MICAL1: variants seen among roughly 807,000 people sequenced by gnomAD.
The protein encoded by MICAL1 is [F-actin]-monooxygenase MICAL1.
MICAL1 carries 95 observed loss-of-function variants against 131.8 expected under a neutral mutation model. That is an observed-to-expected ratio of 0.72 (90% CI 0.61 to 0.86). The LOEUF is 0.86. Ranked by LOEUF, MICAL1 falls within the 40% of genes least tolerant of loss-of-function variation. The pLI, the probability that MICAL1 is intolerant of heterozygous loss-of-function variation, is 0.00. For synonymous variants in MICAL1, 546 were observed against 554.2 expected (o/e 0.99, Z 0.21); for missense variants, 1,292 against 1,380.6 (o/e 0.94, Z 1.02).
Position 109,455,717 on chromosome 6 carries a change from A to C in MICAL1, c.-44+2T>G. On this transcript the variant is annotated splice_donor_variant, in intron 1 of 24. Coordinates refer to ENST00000358807, the MANE Select transcript of MICAL1 (RefSeq NM_022765.4). LOFTEE classifies it low-confidence loss of function (5UTR_SPLICE). This position sits in a 1 kb window ranked among gnomAD's most constrained non-coding sequence, Gnocchi z 4.7. ...CGCAGCCGGCTCCGCTGGACGACTT[A>C]CCGGCGGCTCCGAAGCCGGGAGGGG... 3.1e-6 allele frequency: 3 copies of C among 975,834 alleles called. No individual in the cohort carries two copies. The highest frequency in any genetic ancestry group is 3.6e-6 in the Non-Finnish European group (3 of 827,980). The allele number at this position is 975,834 out of a possible 1,614,324, so 60.4% of individuals were successfully genotyped here.
At chr6:109,456,493 A>G (rs1289475150), upstream of MICAL1, among the ~76,000 whole-genome samples, 1 of 152,084 alleles carries the variant, frequency 6.6e-6, no homozygotes, top group East Asian at 1.9e-4. Flanking sequence ...TGGATATGAG[A>G]AGTGAGAGGG....
At chr6:109,455,991 G>C (rs1161962023), upstream of MICAL1, 1 of 985,816 alleles carries the variant, frequency 1.0e-6, no homozygotes, top group Non-Finnish European at 1.2e-6. This position sits in a 1 kb window ranked among gnomAD's most constrained non-coding sequence, Gnocchi z 4.7. Flanking sequence ...TCTTGGGCCC[G>C]CCCATGCCTG....
chr6:109,450,642 C>A (rs1361882098), intron 7 of MICAL1, 85 bp from the exon 8 acceptor site: 1 of 1,451,482 alleles, frequency 6.9e-7, no homozygotes, highest in Non-Finnish European at 9.2e-7. Context: ...GCAGAAGGTG[C>A]ACATCCTGGG....
intron 8 of MICAL1, 83 bp downstream of exon 8, chr6:109,450,217 A>T: frequency 6.4e-7 from 1 of 1,565,774 alleles, no homozygotes; most frequent in Non-Finnish European, 8.7e-7. Context: ...TCCCCTCTGC[A>T]GGCAGACCTT....
Position 109,444,998 on chromosome 6 carries a change from G to A in MICAL1, c.2882-3C>T. 1 of 1,613,422 alleles carries A rather than the reference G, an allele frequency of 6.2e-7. No individual in the cohort carries two copies. The highest frequency in any genetic ancestry group is 1.3e-5 in the African/African-American group (1 of 75,064). ...TTTCTTTTGCTGTTCTGGGGAACCT[G>A]AGAAGAAGGAAGATGGGTAGGGTGA... On this transcript the variant is annotated splice_polypyrimidine_tract_variant and splice_region_variant and intron_variant, in intron 22 of 24. Coordinates refer to ENST00000358807, the MANE Select transcript of MICAL1 (RefSeq NM_022765.4).
At position 109,450,534 on chromosome 6, in the gene MICAL1, C is replaced by T. The variant is rs763053925; in HGVS notation, c.957G>A (p.Leu319=). 2 of 1,610,846 alleles carry T rather than the reference C, an allele frequency of 1.2e-6. No individual in the cohort carries two copies. Among genetic ancestry groups the T allele is most frequent in the South Asian group, 1.1e-5 (1 of 91,014 alleles). Residue 319 remains leucine (L), a synonymous_variant, in exon 8 of 25, where the codon CTG becomes CTA. Transcript: ENST00000358807. ...CGGGCACCACATTGGCACTGCCCAG[C>T]AGCCGATTGGTGTCTGGCCAGTCCT... ...LRQDWPDTNR[L]LGSANVVPEA...
intron 8 of MICAL1, 41 bp from the exon 9 acceptor site, chr6:109,450,126 C>T (rs1021706315): frequency 6.3e-7 from 1 of 1,596,122 alleles, no homozygotes; most frequent in Non-Finnish European, 8.6e-7. Context: ...AGGGAGAATC[C>T]AACAGGTGCA....
chr6:109,450,129 C>A (rs773018560), intron 8 of MICAL1, 44 bp from the exon 9 acceptor site: 6 of 1,593,862 alleles, frequency 3.8e-6, no homozygotes, highest in Non-Finnish European at 5.1e-6. Flanking sequence ...GAGAATCCAA[C>A]AGGTGCATCC....
Position 109,453,932 on chromosome 6 carries a change from T to C in MICAL1, c.258+7A>G. On this transcript the variant is annotated splice_region_variant and intron_variant, in intron 2 of 24. Transcript: ENST00000358807. ...TCCACACCCCATCCCAGGCACCGTGTATCCACCTTGGTGCTGGTGCAGGCC... is the reference window on the plus strand; with the variant it reads ...TCCACACCCCATCCCAGGCACCGTGCATCCACCTTGGTGCTGGTGCAGGCC... 2 of 1,612,314 alleles carry C rather than the reference T, an allele frequency of 1.2e-6. No homozygotes were observed. The highest frequency in any genetic ancestry group is 1.7e-6 in the Non-Finnish European group (2 of 1,178,786).
chr6:109,448,661 T>C lies in MICAL1; in HGVS notation c.1664+71A>G, dbSNP rs1775361266. 3.1e-6 allele frequency: 5 copies of C among 1,587,362 alleles called. No homozygotes were observed. The East Asian group carries it at 1.1e-4, about 36-fold the overall frequency. ...CAGATGCAGGGAAGCACACTGTCTCTAGGATTCAACTGGATATGCTAACTC... is the reference window on the plus strand; with the variant it reads ...CAGATGCAGGGAAGCACACTGTCTCCAGGATTCAACTGGATATGCTAACTC... On this transcript the variant is annotated intron_variant, in intron 12 of 24. Transcript: ENST00000358807.
At position 109,446,747 on chromosome 6, in the gene MICAL1, C is replaced by A. The variant is rs1775242711; in HGVS notation, c.2253G>T (p.Leu751=). ...GDGHFYCLQH[L]PQTDHKAEGS... Reference sequence around the variant, plus strand: ...CTTCCGCTTTGTGGTCTGTCTGGGGCAGGTGCTGGAGGCAGTAGAAATGTC... The same window carrying A: ...CTTCCGCTTTGTGGTCTGTCTGGGGAAGGTGCTGGAGGCAGTAGAAATGTC... The change falls in exon 18 of 25, where the codon CTG becomes CTT. Residue 751 remains leucine (L), a synonymous_variant. Transcript: ENST00000358807. 1 of 1,613,618 alleles carries A rather than the reference C, an allele frequency of 6.2e-7. No homozygotes were observed. The highest frequency in any genetic ancestry group is 8.5e-7 in the Non-Finnish European group (1 of 1,179,888).
At chr6:109,449,015 A>G in intron 11 of MICAL1, 136 bp from the exon 12 acceptor site, 1 of 1,163,082 alleles carries the variant, frequency 8.6e-7, no homozygotes, top group Admixed American at 2.6e-5. Context: ...ACCAGCCTAA[A>G]GCTGACTATC....
At position 109,455,671 on chromosome 6, in the gene MICAL1, A is replaced by G; in HGVS notation, c.-44+48T>C. ...TTTCCCCGGAAGCGCACCCCACCTC[A>G]CCCCACCCGGCCGCGGGGCTCGCAG... is the stretch of plus-strand genomic sequence containing the variant. On this transcript the variant is annotated intron_variant, in intron 1 of 24. Transcript: ENST00000358807. The surrounding 1 kb of genome is among the most constrained non-coding windows in gnomAD (Gnocchi z 4.7). The G allele has an allele frequency of 1.0e-6, 1 of 982,482 alleles. No homozygotes were observed. Among genetic ancestry groups the G allele is most frequent in the Non-Finnish European group, 1.2e-6 (1 of 828,646 alleles). The allele number at this position is 982,482 out of a possible 1,614,324, so 60.9% of individuals were successfully genotyped here.
Position 109,446,161 on chromosome 6 carries a change from C to T in MICAL1, c.2556G>A (p.Trp852Ter), listed in dbSNP as rs138772971. 1 of 1,561,564 alleles carries T rather than the reference C, an allele frequency of 6.4e-7. No homozygotes were observed. Among genetic ancestry groups the T allele is most frequent in the Non-Finnish European group, 8.6e-7 (1 of 1,157,834 alleles). ...RHALESSFVG[W>*]GLPVQSPQAL... ...CTTGAGGGCTCTGGACTGGCAGGCC[C>T]CAGCCCACAAAGCTGCTCTCCAGGG... The change falls in exon 19 of 25, where the codon TGG becomes TGA. Residue 852 changes from tryptophan to a stop codon, truncating the protein, a stop_gained. Transcript: ENST00000358807. LOFTEE classifies it high-confidence loss of function.
At chr6:109,456,067 C>G, upstream of MICAL1, 1 of 980,608 alleles carries the variant, frequency 1.0e-6, no homozygotes, top group Non-Finnish European at 1.2e-6. Flanking sequence ...CTGGGTGGGT[C>G]TGGCCTGTTG....
chr6:109,445,206 G>A lies in MICAL1; in HGVS notation c.2872C>T (p.Arg958Cys), dbSNP rs549625953. The A allele has an allele frequency of 1.2e-5, 20 of 1,613,322 alleles. No homozygotes were observed. Among genetic ancestry groups the A allele is most frequent in the East Asian group, 1.1e-4 (5 of 44,886 alleles). ...EGVKLELALR[R>C]QSSSPEQQKK... ...CTAGCTTGTCACTCACTGCTCTGGC[G>A]CCTCAAGGCCAGCTCCAGCTTCACG... Residue 958 changes from arginine (R) to cysteine (C), a missense_variant, in exon 22 of 25, where the codon CGC becomes TGC. Arg to Cys is a radical substitution (Grantham distance 180, BLOSUM62 -3). Coordinates refer to ENST00000358807, the MANE Select transcript of MICAL1 (RefSeq NM_022765.4).
rs1269285026 is a variant in MICAL1 at position 109,448,779 on chromosome 6, A to G, written c.1617T>C (p.Asp539=). The G allele has an allele frequency of 2.5e-6, 4 of 1,614,002 alleles. No individual in the cohort carries two copies. Among genetic ancestry groups the G allele is most frequent in the African/African-American group, 2.7e-5 (2 of 74,928 alleles). The change falls in exon 12 of 25, where the codon GAT becomes GAC. Residue 539 remains aspartate (D), a synonymous_variant. Transcript: ENST00000358807. ...ACACCAGGGCACACAGAGCTAGCCC[A>G]TCAGCCCAGGAGGAAGACAAATCGG... ...HVSDLSSSWA[D]GLALCALVYR...
intron 14 of MICAL1, 33 bp from the exon 15 acceptor site, chr6:109,447,755 G>GT: frequency 6.2e-7 from 1 of 1,614,026 alleles, no homozygotes; most frequent in East Asian, 2.2e-5. Flanking sequence ...TAAGTGTGAT[G>GT]TTTTGAGGTC....
chr6:109,445,797 C>T lies in MICAL1; in HGVS notation c.2647G>A (p.Val883Met). The change falls in exon 20 of 25, where the codon GTG (valine) becomes ATG (methionine). Residue 883 changes from valine (V) to methionine (M), a missense_variant. Physicochemically the swap from Val to Met is conservative, Grantham distance 21 (BLOSUM62 1). Coordinates refer to ENST00000358807, the MANE Select transcript of MICAL1 (RefSeq NM_022765.4). ...TGTTCCACATCTGAGTCCAAAGGCA[C>T]ATCTTCTTCTTCCTCTTCACTGGAG... ...PFSSEEEEEDVPLDSDVEQAL... is the reference protein window; with the variant it reads ...PFSSEEEEEDMPLDSDVEQAL... 1 of 1,611,850 alleles carries T rather than the reference C, an allele frequency of 6.2e-7. No homozygotes were observed. The highest frequency in any genetic ancestry group is 8.5e-7 in the Non-Finnish European group (1 of 1,179,140).
Sources: gnomAD v4.1 joint callset for allele counts (sites outside exome capture counted in the v4.1 genomes callset) on GRCh38, gnomAD v4.1.1 for gene constraint, Gnocchi (gnomAD v3.1) non-coding constraint, MANE v1.5 for transcripts, NCBI Gene and HGNC (gene_info 2026-07-23, HGNC 2026-07-21) for gene names.